Variants in PARVA observed in about 807,000 individuals in gnomAD.
PARVA encodes the protein alpha-parvin.
A neutral mutation model predicts 52.6 loss-of-function variants in PARVA; 25 were observed. That is an observed-to-expected ratio of 0.48 (90% CI 0.35 to 0.66). The LOEUF (loss-of-function observed/expected upper bound fraction) is 0.66. Among genes scored for constraint, PARVA ranks in the 30% least tolerant of loss-of-function variants. PARVA has a pLI of 0.01. For synonymous variants in PARVA, 185 were observed against 179.1 expected (o/e 1.03, Z -0.26); for missense variants, 373 against 450.9 (o/e 0.83, Z 1.56).
At chr11:12,488,586 G>T (rs1245000329) in intron 4 of PARVA, among the ~76,000 whole-genome samples, 1 of 152,182 alleles carries the variant, frequency 6.6e-6, no homozygotes, top group East Asian at 1.9e-4. Flanking sequence ...TAGAGCCATG[G>T]TCTTGAAAGG....
At chr11:12,522,647 G>A (rs536534623) in intron 12 of PARVA, among the ~76,000 whole-genome samples, 126 of 152,106 alleles carry the variant, frequency 8.3e-4, no homozygotes, top group African/African-American at 2.8e-3. Flanking sequence ...TTGAACTCCT[G>A]ATCTCAGGTG....
At chr11:12,505,036 A>G (rs1209873561) in intron 6 of PARVA, among the ~76,000 whole-genome samples, 1 of 151,970 alleles carries the variant, frequency 6.6e-6, no homozygotes, top group Non-Finnish European at 1.5e-5. Context: ...AGATTGTTGG[A>G]TGGAATTTCC....
At chr11:12,413,610 C>G (rs762062070) in intron 1 of PARVA, among the ~76,000 whole-genome samples, 2 of 152,194 alleles carry the variant, frequency 1.3e-5, no homozygotes, top group Non-Finnish European at 2.9e-5. Flanking sequence ...GAAGCAGACT[C>G]CTCCTTCCAA....
chr11:12,467,843 AATGTGGAGAATAG>A (rs962136517), intron 1 of PARVA, among the ~76,000 whole-genome samples: 3 of 152,060 alleles, frequency 2.0e-5, no homozygotes, highest in African/African-American at 7.2e-5. Flanking sequence ...TGGTTCAGGG[AATGTGGAGAATAG>A]ATGAATTCAA....
chr11:12,413,781 G>T (rs1248394733), intron 1 of PARVA, among the ~76,000 whole-genome samples: 1 of 152,220 alleles, frequency 6.6e-6, no homozygotes, highest in East Asian at 1.9e-4. Context: ...ATTCTAAACA[G>T]CAGAGCCCAG....
chr11:12,454,485 G>T (rs1035726430), intron 1 of PARVA, among the ~76,000 whole-genome samples: 1 of 151,616 alleles, frequency 6.6e-6, no homozygotes, highest in Non-Finnish European at 1.5e-5. Context: ...AGTCTGAAAA[G>T]CTTCTTGCTT....
At chr11:12,395,105 A>AAAAAAAAG (rs1555030349) in intron 1 of PARVA, among the ~76,000 whole-genome samples, 1 of 148,914 alleles carries the variant, frequency 6.7e-6, no homozygotes, top group African/African-American at 2.5e-5. Context: ...AAAAAAAAAA[A>AAAAAAAAG]AAAGAAAGAA....
At position 12,532,323 on chromosome 11, in the gene PARVA, G is replaced by A. The variant is rs745361039; in HGVS notation, c.*4398G>A. Among the ~76,000 whole-genome samples the A allele has an allele frequency of 9.9e-5, 15 of 152,168 alleles. No individual in the cohort carries two copies. The highest frequency in any genetic ancestry group is 2.2e-4 in the African/African-American group (9 of 41,440). The stretch of plus-strand genomic sequence containing the variant: ...AGGTGAAGAAAGTTAGCTTACTGAC[G>A]CTTTTTGTTTTCTAGTTGGAGCGCA... On this transcript the variant is annotated 3_prime_UTR_variant, in exon 13 of 13. Coordinates refer to ENST00000334956, the MANE Select transcript of PARVA (RefSeq NM_018222.5).
chr11:12,424,986 A>G (rs1940208465), intron 1 of PARVA, among the ~76,000 whole-genome samples: 1 of 152,318 alleles, frequency 6.6e-6, no homozygotes, highest in South Asian at 2.1e-4. Context: ...TTTATGAATT[A>G]AATGGCCTGT....
At chr11:12,481,146 C>G (rs1201278262) in intron 4 of PARVA, among the ~76,000 whole-genome samples, 1 of 152,158 alleles carries the variant, frequency 6.6e-6, no homozygotes, top group South Asian at 2.1e-4. Flanking sequence ...ACTTCTCCCT[C>G]TAGTTTTTGC....
chr11:12,401,868 TG>T (rs1303523613), intron 1 of PARVA, among the ~76,000 whole-genome samples: 1 of 152,218 alleles, frequency 6.6e-6, no homozygotes, highest in African/African-American at 2.4e-5. Context: ...AATATAGGCA[TG>T]GGAGTGTGAT....
intron 4 of PARVA, among the ~76,000 whole-genome samples, chr11:12,494,712 A>G (rs1941276140): frequency 6.6e-6 from 1 of 152,188 alleles, no homozygotes; most frequent in South Asian, 2.1e-4. Context: ...GACCTAGAAA[A>G]CAGACTCAGA....
At position 12,534,335 on chromosome 11, in the gene PARVA, C is replaced by CAGT. The variant is rs1941810279; in HGVS notation, c.*6411_*6413dup. ...AAATCTCCTTGGTTGGAAACCAGTC[C>CAGT]AGTGGGTGACTGGCCCAGAATGATG... is the stretch of plus-strand genomic sequence containing the variant. On this transcript the variant is annotated 3_prime_UTR_variant, in exon 13 of 13. Coordinates refer to ENST00000334956, the MANE Select transcript of PARVA (RefSeq NM_018222.5). Among the ~76,000 whole-genome samples the CAGT allele has an allele frequency of 2.6e-5, 4 of 152,192 alleles. No individual in the cohort carries two copies. The East Asian group carries it at 7.7e-4, about 29-fold the overall frequency.
At chr11:12,478,185 G>A in intron 4 of PARVA, 2 of 600,608 alleles carry the variant, frequency 3.3e-6, no homozygotes, top group East Asian at 3.2e-5. Context: ...CCTTCTAGCA[G>A]CCAAGAATCA....
At position 12,406,661 on chromosome 11, in the gene PARVA, G is replaced by GTTTTTTTTTTTTTTTTTTTT. The variant is rs571973101; in HGVS notation, c.136+28886_136+28905dup. ...ATTGTTAGCTATTTAGGTTGTATCT[G>GTTTTTTTTTTTTTTTTTTTT]TTTTTTTTTTTTTTTTTTTTTTTTT... On this transcript the variant is annotated intron_variant, in intron 1 of 12. Transcript: ENST00000334956. Among the ~76,000 whole-genome samples, 69 of 77,788 alleles carry GTTTTTTTTTTTTTTTTTTTT rather than the reference G, an allele frequency of 8.9e-4. 8 individuals carry two copies. The highest frequency in any genetic ancestry group is 1.5e-3 in the East Asian group (4 of 2,694). The allele number at this position is 77,788 out of a possible 152,430, so 51.0% of individuals were successfully genotyped here. A position where few individuals can be genotyped will look rare whatever the true frequency, so the allele number is the denominator to read the frequency against.
chr11:12,489,653 G>A (rs185443864), intron 4 of PARVA, among the ~76,000 whole-genome samples: 1 of 151,606 alleles, frequency 6.6e-6, no homozygotes, highest in Admixed American at 6.6e-5. Flanking sequence ...ATCCCAAATA[G>A]TATAAGTAGT....
Position 12,534,718 on chromosome 11 carries a change from CTG to C in PARVA, c.*6798_*6799del, listed in dbSNP as rs1263108898. On this transcript the variant is annotated 3_prime_UTR_variant, in exon 13 of 13. Coordinates refer to ENST00000334956, the MANE Select transcript of PARVA (RefSeq NM_018222.5). The stretch of plus-strand genomic sequence containing the variant: ...ATATTTAATCTGTTACATGTTTGCT[CTG>C]TGTGGAGCCAGGGTTGGGGCTGCAC... Among the ~76,000 whole-genome samples the C allele has an allele frequency of 3.9e-5, 6 of 152,294 alleles. No individual in the cohort carries two copies. The highest frequency in any genetic ancestry group is 3.9e-4 in the Admixed American group (6 of 15,292).
At chr11:12,521,619 G>A (rs2135087303) in intron 12 of PARVA, among the ~76,000 whole-genome samples, 1 of 152,240 alleles carries the variant, frequency 6.6e-6, no homozygotes, top group South Asian at 2.1e-4. Context: ...TATCTTACAT[G>A]GCAAAAGGGA....
upstream of PARVA, chr11:12,377,327 C>A: frequency 1.0e-6 from 1 of 967,160 alleles, no homozygotes; most frequent in Non-Finnish European, 1.4e-6. Flanking sequence ...TGAAGCTTTC[C>A]GGCTCGACCG....
Sources: gnomAD v4.1 joint callset for allele counts (sites outside exome capture counted in the v4.1 genomes callset) on GRCh38, gnomAD v4.1.1 for gene constraint, MANE v1.5 for transcripts, NCBI Gene and HGNC (gene_info 2026-07-23, HGNC 2026-07-21) for gene names.